Variants in USP15 observed in about 807,000 individuals in gnomAD.
USP15 encodes the protein ubiquitin carboxyl-terminal hydrolase 15.
USP15 carries 18 observed loss-of-function variants against 127.1 expected under a neutral mutation model. That is an observed-to-expected ratio of 0.14 (90% CI 0.10 to 0.21). USP15 has a LOEUF of 0.21. Among genes scored for constraint, USP15 ranks in the 10% least tolerant of loss-of-function variants. The pLI is 1.00. For synonymous variants in USP15, 364 were observed against 393.7 expected, an observed-to-expected ratio of 0.92 and a Z score of 0.89; for missense variants, 805 against 1,159.9, an observed-to-expected ratio of 0.69 and a Z score of 4.44.
chr12:62,381,316 A>G (rs2066983135), intron 8 of USP15, among the ~76,000 whole-genome samples, 174 bp from the exon 9 acceptor site: 1 of 152,068 alleles, frequency 6.6e-6, no homozygotes, highest in Admixed American at 6.6e-5. Context: ...TGGGAAATGA[A>G]TAGTTGAGTA....
chr12:62,389,683 C>T lies in USP15; in HGVS notation c.1636C>T (p.Arg546Trp). Residue 546 changes from arginine to tryptophan, a missense_variant, in exon 13 of 22, where the codon CGG becomes TGG. Coordinates refer to ENST00000280377, the MANE Select transcript of USP15 (RefSeq NM_001252078.2). ...MDENLSSIME[R>W]DDIYVFEINI... ...TGAAAACCTTAGTAGTATTATGGAACGGGATGATATTTATGTGTAAGTATA... is the reference window on the plus strand; with the variant it reads ...TGAAAACCTTAGTAGTATTATGGAATGGGATGATATTTATGTGTAAGTATA... 1.9e-6 allele frequency: 3 copies of T among 1,612,356 alleles called. No individual in the cohort carries two copies. Among genetic ancestry groups the T allele is most frequent in the Non-Finnish European group, 1.7e-6 (2 of 1,179,088 alleles).
intron 2 of USP15, among the ~76,000 whole-genome samples, chr12:62,295,747 G>A (rs2064111760): frequency 6.6e-6 from 1 of 152,180 alleles, no homozygotes; most frequent in African/African-American, 2.4e-5. Flanking sequence ...AGCTATAACT[G>A]CCTACAAGAA....
At position 62,357,396 on chromosome 12, in the gene USP15, G is replaced by A. The variant is rs138239113; in HGVS notation, c.915+1921G>A. 9.2e-5 allele frequency among the ~76,000 whole-genome samples: 14 copies of A among 152,132 alleles called. No homozygotes were observed. The East Asian group carries it at 2.5e-3, about 27-fold the overall frequency. On this transcript the variant is annotated intron_variant, in intron 8 of 21. Coordinates refer to ENST00000280377, the MANE Select transcript of USP15 (RefSeq NM_001252078.2). ...TTGCATGTTATGTTTAAGGTGTGAGGATCTTCAGTTTATTCATTTTTGCTT... is the reference window on the plus strand; with the variant it reads ...TTGCATGTTATGTTTAAGGTGTGAGAATCTTCAGTTTATTCATTTTTGCTT...
intron 1 of USP15, among the ~76,000 whole-genome samples, chr12:62,284,689 T>C (rs1264247227): frequency 6.6e-6 from 1 of 152,148 alleles, no homozygotes; most frequent in Non-Finnish European, 1.5e-5. Flanking sequence ...TTACCTTTGA[T>C]TCTGCTTGTG....
intron 21 of USP15, among the ~76,000 whole-genome samples, chr12:62,403,118 G>A (rs2067746560): frequency 6.6e-6 from 1 of 152,054 alleles, no homozygotes; most frequent in Admixed American, 6.6e-5. Flanking sequence ...TATGATAGCT[G>A]TGTGGAAATT....
chr12:62,363,866 T>C (rs1006660617), intron 8 of USP15, among the ~76,000 whole-genome samples: 2 of 152,154 alleles, frequency 1.3e-5, no homozygotes, highest in African/African-American at 2.4e-5. Flanking sequence ...TATATCATAA[T>C]GATAGATGTA....
chr12:62,339,924 CT>C (rs1292336955), intron 6 of USP15, among the ~76,000 whole-genome samples: 1 of 152,178 alleles, frequency 6.6e-6, no homozygotes, highest in Non-Finnish European at 1.5e-5. Context: ...AGGAGTCCCT[CT>C]TTTTCAATTG....
chr12:62,273,356 C>T (rs2063392370), intron 1 of USP15, among the ~76,000 whole-genome samples: 1 of 152,158 alleles, frequency 6.6e-6, no homozygotes, highest in South Asian at 2.1e-4. Context: ...TACTTTTCCT[C>T]TCTCCTCCAC....
chr12:62,335,553 T>C (rs375837183), intron 6 of USP15: 1 of 1,060,518 alleles, frequency 9.4e-7, no homozygotes. Context: ...CTCCTACATA[T>C]ATAAATGCCT....
chr12:62,399,686 G>A (rs1592738232), intron 20 of USP15, among the ~76,000 whole-genome samples: 3 of 151,972 alleles, frequency 2.0e-5, no homozygotes, highest in Admixed American at 6.6e-5. Flanking sequence ...TTCTCTCCAT[G>A]GTTGATATTT....
intron 9 of USP15, among the ~76,000 whole-genome samples, 171 bp downstream of exon 9, chr12:62,381,834 A>AG (rs1261529644): frequency 6.6e-6 from 1 of 152,010 alleles, no homozygotes; most frequent in Non-Finnish European, 1.5e-5. Context: ...TTTAGGTGGG[A>AG]GGGATATGGA....
In USP15 at chr12:62,404,085, A is replaced by G. The variant is rs1409457917; in HGVS notation, c.2764-108A>G. Reference sequence around the variant, plus strand: ...CCATTTGACCATGCATGGTTTTTCTATTTGATTTATGCCCTCTTACCAAAA... The same window carrying G: ...CCATTTGACCATGCATGGTTTTTCTGTTTGATTTATGCCCTCTTACCAAAA... On this transcript the variant is annotated intron_variant, in intron 21 of 21. Coordinates refer to ENST00000280377, the MANE Select transcript of USP15 (RefSeq NM_001252078.2). The G allele has an allele frequency of 1.2e-5, 16 of 1,305,206 alleles. No individual in the cohort carries two copies. The Admixed American group carries it at 2.1e-4, about 17-fold the overall frequency. 80.9% of individuals were successfully genotyped at this position (1,305,206 alleles called of 1,614,324 possible).
chr12:62,381,874 T>C (rs1355837746), intron 9 of USP15, among the ~76,000 whole-genome samples: 1 of 151,930 alleles, frequency 6.6e-6, no homozygotes. Flanking sequence ...TTTGTTTTTG[T>C]TTTTGTTTTA....
intron 6 of USP15, among the ~76,000 whole-genome samples, chr12:62,338,686 A>G (rs1485094101): frequency 6.6e-6 from 1 of 152,136 alleles, no homozygotes. Flanking sequence ...TTTTCTGCAT[A>G]TGGCTAGCCA....
In USP15 at chr12:62,398,473, T is replaced by G. The variant is rs113036205; in HGVS notation, c.2674+2075T>G. On this transcript the variant is annotated intron_variant, in intron 20 of 21. Coordinates refer to ENST00000280377, the MANE Select transcript of USP15 (RefSeq NM_001252078.2). ...TAAAAGGCTATAAATTTCTGCTAAG[T>G]ACTGCTTTAGCTGTACTTCAGATTT... Among the ~76,000 whole-genome samples the G allele has an allele frequency of 8.5e-5, 13 of 152,372 alleles. 1 individual carries two copies. The highest frequency in any genetic ancestry group is 2.6e-4 in the African/African-American group (11 of 41,582).
chr12:62,329,526 G>A (rs573480521), intron 6 of USP15, among the ~76,000 whole-genome samples: 8 of 152,296 alleles, frequency 5.3e-5, no homozygotes, highest in South Asian at 4.1e-4. Context: ...AAAGTCAGAT[G>A]TCAGCTTTGG....
chr12:62,351,425 A>T (rs2065964186), intron 7 of USP15, among the ~76,000 whole-genome samples: 1 of 151,346 alleles, frequency 6.6e-6, no homozygotes, highest in East Asian at 1.9e-4. Context: ...GATGGCTCTC[A>T]TACTTACTGT....
intron 2 of USP15, among the ~76,000 whole-genome samples, chr12:62,298,956 G>A (rs981976927): frequency 2.0e-5 from 3 of 151,350 alleles, no homozygotes; most frequent in African/African-American, 7.3e-5. Flanking sequence ...TAATCAACTT[G>A]ACCTAATTGA....
chr12:62,290,968 T>G (rs2063947938), intron 1 of USP15, among the ~76,000 whole-genome samples: 1 of 152,194 alleles, frequency 6.6e-6, no homozygotes, highest in Non-Finnish European at 1.5e-5. Context: ...TTGTAAGTCA[T>G]CTGCCAGGAA....
Sources: gnomAD v4.1 joint callset for allele counts (sites outside exome capture counted in the v4.1 genomes callset) on GRCh38, gnomAD v4.1.1 for gene constraint, MANE v1.5 for transcripts, NCBI Gene and HGNC (gene_info 2026-07-23, HGNC 2026-07-21) for gene names.